Variants in MOB4 observed in about 807,000 individuals in gnomAD.
The protein encoded by MOB4 is MOB-like protein phocein.
Under a neutral mutation model 32.2 loss-of-function variants are expected in MOB4, and 4 were observed. The ratio of observed to expected loss-of-function variants is 0.12; its 90% CI spans 0.06 to 0.28. MOB4 has a LOEUF of 0.28. Among genes scored for constraint, MOB4 ranks in the 10% least tolerant of loss-of-function variants. The pLI is 1.00. For synonymous variants in MOB4, 88 were observed against 88.1 expected (o/e 1.00, Z 0.01); for missense variants, 158 against 271.2 (o/e 0.58, Z 2.93).
chr2:197,540,301 G>A lies in MOB4; in HGVS notation c.268-50G>A, dbSNP rs116787672. 8.3e-4 allele frequency: 1,219 copies of A among 1,469,164 alleles called. 15 individuals are homozygous for A. The African/African-American group carries it at 0.015, about 19-fold the overall frequency. 91.0% of individuals were successfully genotyped at this position (1,469,164 alleles called of 1,614,324 possible). ...GGAAATATAGTAACCTAAATGATAA[G>A]CTTTTTCATTATTATTTTACATATT... On this transcript the variant is annotated intron_variant, in intron 4 of 7. Transcript: ENST00000323303.
chr2:197,516,042 T>C (rs2086403468), upstream of MOB4: 3 of 1,547,416 alleles, frequency 1.9e-6, no homozygotes, highest in Admixed American at 2.0e-5. Context: ...CAGGCTGCCG[T>C]CCCTACATCC....
Position 197,516,097 on chromosome 2 carries a change from C to T in MOB4, c.11C>T (p.Ala4Val). MVM[A>V]EGTAVLRRNR... Reference sequence around the variant, plus strand: ...CTAGACGCTGGCACTATGGTCATGGCGGAGGGGACGGCAGTGCTGAGGCGG... The same window carrying T: ...CTAGACGCTGGCACTATGGTCATGGTGGAGGGGACGGCAGTGCTGAGGCGG... The change falls in exon 1 of 8, where the codon GCG becomes GTG. Residue 4 changes from alanine (A) to valine (V), a missense_variant. Ala to Val is a moderately conservative substitution (Grantham distance 64, BLOSUM62 0). Coordinates refer to ENST00000323303, the MANE Select transcript of MOB4 (RefSeq NM_015387.5). The T allele has an allele frequency of 6.3e-7, 1 of 1,599,922 alleles. No homozygotes were observed. The highest frequency in any genetic ancestry group is 8.5e-7 in the Non-Finnish European group (1 of 1,174,586).
chr2:197,525,771 G>A (rs1447580869), intron 2 of MOB4, among the ~76,000 whole-genome samples: 1 of 151,372 alleles, frequency 6.6e-6, no homozygotes, highest in Non-Finnish European at 1.5e-5. Context: ...GGCTTCTCAC[G>A]ATATAGCTAG....
intron 2 of MOB4, among the ~76,000 whole-genome samples, chr2:197,526,772 A>C (rs952716852): frequency 2.6e-5 from 4 of 152,178 alleles, no homozygotes; most frequent in African/African-American, 9.7e-5. Context: ...TTCTTTATTG[A>C]ATGGTCTCAG....
chr2:197,552,735 T>A lies in MOB4; in HGVS notation c.*2089T>A, dbSNP rs1050430895. 2 of 152,368 alleles carry A rather than the reference T, an allele frequency of 1.3e-5. No individual in the cohort carries two copies. The highest frequency in any genetic ancestry group is 4.8e-5 in the African/African-American group (2 of 41,452). The allele number at this position is 152,368 out of a possible 1,614,324, so 9.4% of individuals were successfully genotyped here. Reference sequence around the variant, plus strand: ...AACAGTTCCTGTTTTTCCTTAATACTGTTTTCAGAATTTTGAAAATGTACT... The same window carrying A: ...AACAGTTCCTGTTTTTCCTTAATACAGTTTTCAGAATTTTGAAAATGTACT... On this transcript the variant is annotated 3_prime_UTR_variant, in exon 8 of 8. Coordinates refer to ENST00000323303, the MANE Select transcript of MOB4 (RefSeq NM_015387.5).
At chr2:197,535,733 G>A in intron 3 of MOB4, 103 bp downstream of exon 3, 2 of 1,325,922 alleles carry the variant, frequency 1.5e-6, no homozygotes, top group Admixed American at 2.5e-5. Flanking sequence ...TGCAGACTAA[G>A]AAGCCAAATT....
chr2:197,518,573 TTG>T (rs1553584573), intron 1 of MOB4, among the ~76,000 whole-genome samples: 1 of 150,990 alleles, frequency 6.6e-6, no homozygotes. Context: ...TTTTTTTTTT[TTG>T]TGTGTGAGGC....
At chr2:197,525,289 A>C (rs2086591785) in intron 2 of MOB4, among the ~76,000 whole-genome samples, 1 of 151,282 alleles carries the variant, frequency 6.6e-6, no homozygotes, top group African/African-American at 2.4e-5. Flanking sequence ...GTGAGCCTGC[A>C]GTGAGCCGAG....
chr2:197,549,859 T>TAAAAAAAAAAAA (rs573507195), intron 6 of MOB4, among the ~76,000 whole-genome samples: 3 of 85,072 alleles, frequency 3.5e-5, no homozygotes, highest in African/African-American at 8.4e-5. Flanking sequence ...CCTTAATTTC[T>TAAAAAAAAAAAA]AAAAAAAAAA....
chr2:197,550,925 C>G lies in MOB4; in HGVS notation c.*279C>G, dbSNP rs1433381691. 5.6e-6 allele frequency: 1 copy of G among 179,944 alleles called. No homozygotes were observed. The highest frequency in any genetic ancestry group is 2.4e-5 in the African/African-American group (1 of 42,500). 11.1% of individuals were successfully genotyped at this position (179,944 alleles called of 1,614,324 possible). On this transcript the variant is annotated 3_prime_UTR_variant, in exon 8 of 8. Transcript: ENST00000323303. Reference sequence around the variant, plus strand: ...ACAGTTTGGTAAAATTGCTGCTAAACAATCATTGGATCACAATCCTCATCA... The same window carrying G: ...ACAGTTTGGTAAAATTGCTGCTAAAGAATCATTGGATCACAATCCTCATCA...
At chr2:197,537,849 G>A (rs374844251) in intron 3 of MOB4, among the ~76,000 whole-genome samples, 6 of 151,800 alleles carry the variant, frequency 4.0e-5, no homozygotes, top group African/African-American at 1.2e-4. Context: ...GTGTGATCTC[G>A]GCTCATTGCA....
At chr2:197,543,825 G>A (rs894737797) in intron 5 of MOB4, among the ~76,000 whole-genome samples, 4 of 150,046 alleles carry the variant, frequency 2.7e-5, no homozygotes, top group East Asian at 4.0e-4. Flanking sequence ...TGCAACCTCC[G>A]CTTCCCAGGT....
chr2:197,552,656 AAT>A lies in MOB4; in HGVS notation c.*2011_*2012del, dbSNP rs1368682693. ...GTCTTGCTTTTGTATTCATGTTGAT[AAT>A]CTTACTAATTGTGAAGTTGATTCAC... On this transcript the variant is annotated 3_prime_UTR_variant, in exon 8 of 8. Coordinates refer to ENST00000323303, the MANE Select transcript of MOB4 (RefSeq NM_015387.5). The A allele has an allele frequency of 6.6e-6, 1 of 152,354 alleles. No individual in the cohort carries two copies. Among genetic ancestry groups the A allele is most frequent in the Non-Finnish European group, 1.5e-5 (1 of 68,042 alleles). 9.4% of individuals were successfully genotyped at this position (152,354 alleles called of 1,614,324 possible).
chr2:197,539,069 T>G (rs1302903594), intron 3 of MOB4, among the ~76,000 whole-genome samples: 1 of 152,172 alleles, frequency 6.6e-6, no homozygotes, highest in East Asian at 1.9e-4. Context: ...GATTTTTTTT[T>G]GTCTTCTGAT....
chr2:197,533,599 C>T (rs1325610451), intron 2 of MOB4, among the ~76,000 whole-genome samples: 1 of 151,664 alleles, frequency 6.6e-6, no homozygotes, highest in Admixed American at 6.6e-5. Context: ...ATGGCAGGTG[C>T]TTGTATTCCC....
At chr2:197,528,893 A>G (rs1283412487) in intron 2 of MOB4, among the ~76,000 whole-genome samples, 1 of 151,714 alleles carries the variant, frequency 6.6e-6, no homozygotes, top group African/African-American at 2.4e-5. Context: ...CTGGGATTAC[A>G]GGCGTGAGCC....
At chr2:197,544,293 A>G (rs994793124) in intron 5 of MOB4, among the ~76,000 whole-genome samples, 2 of 152,104 alleles carry the variant, frequency 1.3e-5, no homozygotes, top group African/African-American at 4.8e-5. Flanking sequence ...TTTGGTCTCA[A>G]ACTCCTGGCC....
chr2:197,523,857 AT>A (rs1305809325), intron 2 of MOB4, among the ~76,000 whole-genome samples, 171 bp downstream of exon 2: 1 of 152,250 alleles, frequency 6.6e-6, no homozygotes, highest in Admixed American at 6.5e-5. Flanking sequence ...TAACCTAAGC[AT>A]TTTACCTCTG....
chr2:197,533,833 G>T, intron 2 of MOB4: 1 of 598,682 alleles, frequency 1.7e-6, no homozygotes, highest in Non-Finnish European at 3.2e-6. Context: ...AAGACTTTTA[G>T]AATCAAGTGA....
Sources: allele counts gnomAD v4.1 joint callset (sites outside exome capture counted in the v4.1 genomes callset), GRCh38; gene constraint gnomAD v4.1.1; transcripts MANE v1.5; gene names NCBI Gene and HGNC (gene_info 2026-07-23, HGNC 2026-07-21).